POPDC3: variants seen among roughly 807,000 people sequenced by gnomAD.
POPDC3 encodes the protein popeye domain-containing protein 3.
Under a neutral mutation model 28.2 loss-of-function variants are expected in POPDC3, and 20 were observed. The observed-to-expected ratio is 0.71, with a 90% CI of 0.50 to 1.03. The LOEUF (loss-of-function observed/expected upper bound fraction) is 1.03, where lower values mean the gene tolerates loss of function less well. Among genes scored for constraint, POPDC3 ranks in the 50% least tolerant of loss-of-function variants. POPDC3 has a pLI of 0.00. For missense variants in POPDC3, 316 were observed against 345.9 expected, an observed-to-expected ratio of 0.91 and a Z score of 0.69; for synonymous variants, 118 against 124.1, an observed-to-expected ratio of 0.95 and a Z score of 0.33.
rs764297745 is a variant in POPDC3, at chr6:105,158,448, T to G, written c.*22A>C. ...ATGAAGAGAGAGTCTTTTTTTATACTTATAAATTTCAGACTTTGATGTCAT... is the reference window on the plus strand; with the variant it reads ...ATGAAGAGAGAGTCTTTTTTTATACGTATAAATTTCAGACTTTGATGTCAT... On this transcript the variant is annotated 3_prime_UTR_variant, in exon 4 of 4. Transcript: ENST00000254765. 1.3e-6 allele frequency: 2 copies of G among 1,570,080 alleles called. No individual in the cohort carries two copies. The highest frequency in any genetic ancestry group is 1.7e-6 in the Non-Finnish European group (2 of 1,156,328).
intron 1 of POPDC3, chr6:105,176,945 AG>A: frequency 6.2e-6 from 1 of 160,562 alleles, no homozygotes; most frequent in East Asian, 1.9e-4. Context: ...ATAGTGGGAT[AG>A]AAACTATTTT....
intron 1 of POPDC3, among the ~76,000 whole-genome samples, chr6:105,170,572 A>C (rs1479502098): frequency 3.3e-5 from 5 of 152,204 alleles, no homozygotes; most frequent in Non-Finnish European, 7.3e-5. Context: ...CTTTTAGTAG[A>C]GAGAATGCCA....
intron 1 of POPDC3, among the ~76,000 whole-genome samples, chr6:105,179,338 G>A (rs948265702): frequency 5.1e-4 from 78 of 152,236 alleles, no homozygotes; most frequent in African/African-American, 1.8e-3. Context: ...CTTACAGACC[G>A]GGGGCGGGAG....
chr6:105,162,704 G>A (rs1191893602), intron 1 of POPDC3, among the ~76,000 whole-genome samples: 2 of 152,202 alleles, frequency 1.3e-5, no homozygotes, highest in African/African-American at 4.8e-5. Flanking sequence ...CTGCACTTCA[G>A]CCTAGGCGAA....
chr6:105,165,774 G>A (rs1774442908), intron 1 of POPDC3, among the ~76,000 whole-genome samples: 2 of 152,180 alleles, frequency 1.3e-5, no homozygotes, highest in Admixed American at 6.5e-5. Flanking sequence ...GTGGTATTGA[G>A]TGAGTTTTGG....
In POPDC3 at chr6:105,157,956, T is replaced by C. The variant is rs1302967850; in HGVS notation, c.*514A>G. On this transcript the variant is annotated 3_prime_UTR_variant, in exon 4 of 4. Coordinates refer to ENST00000254765, the MANE Select transcript of POPDC3 (RefSeq NM_022361.5). ...TAAAATAGGCTTCAAGATTCACATA[T>C]TATTATCTCTTGCATTTATTCTACT... 6.6e-6 allele frequency among the ~76,000 whole-genome samples: 1 copy of C among 152,236 alleles called. No individual in the cohort carries two copies. The highest frequency in any genetic ancestry group is 1.9e-4 in the East Asian group (1 of 5,198).
intron 1 of POPDC3, among the ~76,000 whole-genome samples, chr6:105,175,573 T>C (rs926139097): frequency 2.6e-5 from 4 of 151,640 alleles, no homozygotes; most frequent in African/African-American, 9.7e-5. Context: ...CCAGGCGCAG[T>C]GGCTCATGCC....
At chr6:105,168,334 C>T (rs1774501368) in intron 1 of POPDC3, among the ~76,000 whole-genome samples, 1 of 152,186 alleles carries the variant, frequency 6.6e-6, no homozygotes, top group Non-Finnish European at 1.5e-5. Flanking sequence ...CCTTTGCTTT[C>T]ACACAATACT....
intron 1 of POPDC3, chr6:105,168,586 G>A (rs544643714): frequency 2.0e-5 from 3 of 152,342 alleles, no homozygotes; most frequent in East Asian, 3.9e-4. Flanking sequence ...CAACATTCCT[G>A]ACCTCCTGGT....
At chr6:105,161,373 A>G in intron 2 of POPDC3, 52 bp downstream of exon 2, 1 of 1,558,984 alleles carries the variant, frequency 6.4e-7, no homozygotes, top group Non-Finnish European at 8.7e-7. Flanking sequence ...GTGGAAAGAA[A>G]CACAAACAAC....
intron 2 of POPDC3, among the ~76,000 whole-genome samples, chr6:105,160,820 T>G (rs1053217554): frequency 1.3e-5 from 2 of 151,876 alleles, no homozygotes; most frequent in Non-Finnish European, 2.9e-5. Context: ...AGGCTGGTCT[T>G]GAACTGCTGA....
chr6:105,159,881 G>T, intron 2 of POPDC3, 62 bp from the exon 3 acceptor site: 2 of 1,137,260 alleles, frequency 1.8e-6, no homozygotes, highest in South Asian at 1.3e-5. Context: ...AATTGGGGAG[G>T]GGTGGGGGGT....
intron 1 of POPDC3, among the ~76,000 whole-genome samples, chr6:105,167,779 A>T (rs1774487967): frequency 6.6e-6 from 1 of 151,520 alleles, no homozygotes; most frequent in African/African-American, 2.4e-5. Context: ...AGAATATGTC[A>T]TTAATGTTTA....
intron 1 of POPDC3, among the ~76,000 whole-genome samples, chr6:105,179,503 A>G (rs1774742872): frequency 6.6e-6 from 1 of 152,118 alleles, no homozygotes; most frequent in Non-Finnish European, 1.5e-5. Context: ...ATCTGGGAGG[A>G]ATATTCGCCC....
Position 105,161,886 on chromosome 6 carries a change from C to G in POPDC3, c.24G>C (p.Trp8Cys). The change falls in exon 2 of 4, where the codon TGG (tryptophan) becomes TGC (cysteine). Residue 8 changes from tryptophan (W) to cysteine (C), a missense_variant. Physicochemically the swap from Trp to Cys is radical, Grantham distance 215. Transcript: ENST00000254765. ...CTGGGTGTTCATCTATTAGGTTCTT[C>G]CATAAACTTGAATTTCTTTCCATGG... is the stretch of plus-strand genomic sequence containing the variant. MERNSSL[W>C]KNLIDEHPVC... 6.2e-7 allele frequency: 1 copy of G among 1,602,482 alleles called. No individual in the cohort carries two copies. Among genetic ancestry groups the G allele is most frequent in the Non-Finnish European group, 8.5e-7 (1 of 1,175,690 alleles).
intron 1 of POPDC3, among the ~76,000 whole-genome samples, chr6:105,175,010 T>C (rs1424409334): frequency 6.6e-6 from 1 of 151,258 alleles, no homozygotes; most frequent in East Asian, 2.0e-4. Flanking sequence ...CTACTAAAAA[T>C]ACAAAAATGA....
intron 1 of POPDC3, among the ~76,000 whole-genome samples, chr6:105,171,978 C>T (rs1195020415): frequency 6.6e-6 from 1 of 150,952 alleles, no homozygotes; most frequent in East Asian, 1.9e-4. Context: ...GCCACTGTGC[C>T]CAGCCATTAA....
chr6:105,178,972 A>G, intron 1 of POPDC3: 1 of 985,466 alleles, frequency 1.0e-6, no homozygotes, highest in Middle Eastern at 5.2e-4. Flanking sequence ...GAAGCAACGA[A>G]GTTTAGTAAA....
At chr6:105,172,441 C>T (rs1327657237) in intron 1 of POPDC3, among the ~76,000 whole-genome samples, 1 of 151,062 alleles carries the variant, frequency 6.6e-6, no homozygotes, top group Admixed American at 6.6e-5. Flanking sequence ...GTTGGTGGGA[C>T]TGTAAACTAG....
Sources: allele counts gnomAD v4.1 joint callset (sites outside exome capture counted in the v4.1 genomes callset), GRCh38; gene constraint gnomAD v4.1.1; transcripts MANE v1.5; gene names NCBI Gene and HGNC (gene_info 2026-07-23, HGNC 2026-07-21).